The following POLR2M variants were observed in gnomAD, a reference collection of about 807,000 sequenced individuals.
POLR2M encodes RNA polymerase II subunit M, also known as protein GRINL1A.
Under a neutral mutation model 34.6 loss-of-function variants are expected in POLR2M, and 30 were observed. The observed-to-expected ratio is 0.87, with a 90% CI of 0.65 to 1.18. POLR2M has a LOEUF of 1.18. POLR2M is among the 50% of genes most tolerant of loss of function. The pLI is 0.00. For synonymous variants in POLR2M, 150 were observed against 166.7 expected (o/e 0.90, Z 0.77); for missense variants, 432 against 448.7 (o/e 0.96, Z 0.34).
chr15:57,714,574 A>C lies in POLR2M; in HGVS notation c.1002A>C (p.Glu334Asp). ...QAKLAAQKLA[E>D]RLNIKMRSYN... ...AGCTCGCAGCGCAAAAATTAGCTGA[A>C]AGACTGAATATTAAAATGCGGAGTT... The change falls in exon 4 of 4, where the codon GAA becomes GAC. Residue 334 changes from glutamate to aspartate, a missense_variant. Coordinates refer to ENST00000299638, the MANE Select transcript of POLR2M (RefSeq NM_015532.5). 7 of 1,613,884 alleles carry C rather than the reference A, an allele frequency of 4.3e-6. No individual in the cohort carries two copies. The highest frequency in any genetic ancestry group is 5.9e-6 in the Non-Finnish European group (7 of 1,179,864).
At chr15:57,709,767 C>T (rs1692928819) in intron 2 of POLR2M, among the ~76,000 whole-genome samples, 1 of 152,124 alleles carries the variant, frequency 6.6e-6, no homozygotes, top group South Asian at 2.1e-4. Flanking sequence ...ATAATAAACA[C>T]AGAGTTGGAG....
At position 57,706,919 on chromosome 15, in the gene POLR2M, A is replaced by C. The variant is rs768829989; in HGVS notation, c.77A>C (p.Glu26Ala). ...CAGCGGAGTTTGGTGGAGCTGCGGG[A>C]AATGTTGAAGCGCCAGGAGAGACTT... is the stretch of plus-strand genomic sequence containing the variant. ...LAQRSLVELR[E>A]MLKRQERLLR... is the part of the protein sequence containing the mutation. Residue 26 changes from glutamate (E) to alanine (A), a missense_variant, in exon 1 of 4, where the codon GAA (glutamate) becomes GCA (alanine). Glu to Ala is a moderately radical substitution (Grantham distance 107). Transcript: ENST00000299638. The C allele has an allele frequency of 6.2e-7, 1 of 1,602,846 alleles. No homozygotes were observed. The highest frequency in any genetic ancestry group is 8.5e-7 in the Non-Finnish European group (1 of 1,174,406).
chr15:57,711,978 C>T lies in POLR2M; in HGVS notation c.759-6C>T. 1 of 1,613,868 alleles carries T rather than the reference C, an allele frequency of 6.2e-7. No individual in the cohort carries two copies. On this transcript the variant is annotated splice_polypyrimidine_tract_variant and splice_region_variant and intron_variant, in intron 2 of 3. Transcript: ENST00000299638. ...GATTGTATAACACAAGTTTTCCTTT[C>T]ATCAGGTTACCTTTTCGACAAAATG...
rs747636997 is a variant in POLR2M at position 57,717,315 on chromosome 15, A to G, written c.*2636A>G. ...TAACTTACAAATAAGTACTTAAAAC[A>G]GAGCTTAATGGGTAAAGCAACAGCT... On this transcript the variant is annotated 3_prime_UTR_variant, in exon 4 of 4. Transcript: ENST00000299638. The G allele has an allele frequency of 3.9e-5, 6 of 152,214 alleles. No individual in the cohort carries two copies. The highest frequency in any genetic ancestry group is 7.3e-5 in the Non-Finnish European group (5 of 68,036). The allele number at this position is 152,214 out of a possible 1,614,324, so 9.4% of individuals were successfully genotyped here.
intron 3 of POLR2M, among the ~76,000 whole-genome samples, chr15:57,713,197 CAAAAA>C (rs10656680): frequency 6.9e-6 from 1 of 145,790 alleles, no homozygotes; most frequent in Non-Finnish European, 1.5e-5. Flanking sequence ...GACCCTGTCT[CAAAAA>C]AAAAAACAAC....
intron 3 of POLR2M, among the ~76,000 whole-genome samples, chr15:57,712,916 C>G (rs1230291596): frequency 6.6e-6 from 1 of 152,178 alleles, no homozygotes; most frequent in Admixed American, 6.5e-5. Context: ...AGTATCCTGT[C>G]TCACTTCCTA....
chr15:57,708,677 T>A (rs773133562), intron 1 of POLR2M, 37 bp from the exon 2 acceptor site: 2 of 1,498,870 alleles, frequency 1.3e-6, no homozygotes, highest in South Asian at 1.4e-5. Context: ...GTTAAAAAAA[T>A]GGCTGTAATG....
At chr15:57,707,191 CAGGG>C (rs2040526381) in intron 1 of POLR2M, 1 of 1,473,038 alleles carries the variant, frequency 6.8e-7, no homozygotes, top group South Asian at 1.4e-5. Context: ...CCTGGCGTTG[CAGGG>C]AGTTAGTAGC....
At position 57,716,040 on chromosome 15, in the gene POLR2M, T is replaced by C. The variant is rs1478427929; in HGVS notation, c.*1361T>C. On this transcript the variant is annotated 3_prime_UTR_variant, in exon 4 of 4. Coordinates refer to ENST00000299638, the MANE Select transcript of POLR2M (RefSeq NM_015532.5). The stretch of plus-strand genomic sequence containing the variant: ...TGTTATTTCTGGAAGCTGGATGATA[T>C]GGAAGAGTTCATGTGCCTGGACACA... The C allele has an allele frequency of 6.6e-6, 1 of 152,320 alleles. No individual in the cohort carries two copies. The highest frequency in any genetic ancestry group is 2.4e-5 in the African/African-American group (1 of 41,486). 9.4% of individuals were successfully genotyped at this position (152,320 alleles called of 1,614,324 possible).
At chr15:57,712,557 C>G (rs139880079) in intron 3 of POLR2M, among the ~76,000 whole-genome samples, 1 of 152,138 alleles carries the variant, frequency 6.6e-6, no homozygotes, top group African/African-American at 2.4e-5. Flanking sequence ...CAAACCCAGA[C>G]CCCTTGTTAG....
Position 57,706,873 on chromosome 15 carries a change from C to G in POLR2M, c.31C>G (p.Gln11Glu). Reference sequence around the variant, plus strand: ...CTCGCTGCCCCGCGGCTTCGAGCCCCAAGCTCCCGAGGACTTGGCGCAGCG... The same window carrying G: ...CTCGCTGCCCCGCGGCTTCGAGCCCGAAGCTCCCGAGGACTTGGCGCAGCG... MCSLPRGFEP[Q>E]APEDLAQRSL... The change falls in exon 1 of 4, where the codon CAA becomes GAA. Residue 11 changes from glutamine (Q) to glutamate (E), a missense_variant. Transcript: ENST00000299638. 6.3e-7 allele frequency: 1 copy of G among 1,589,256 alleles called. No individual in the cohort carries two copies. The highest frequency in any genetic ancestry group is 8.6e-7 in the Non-Finnish European group (1 of 1,167,490).
chr15:57,714,484 G>A, intron 3 of POLR2M, 52 bp from the exon 4 acceptor site: 1 of 1,598,586 alleles, frequency 6.3e-7, no homozygotes. Context: ...TTGAAAAATT[G>A]TAAGGAAGAG....
chr15:57,708,669 TA>T (rs770681312), intron 1 of POLR2M, 44 bp from the exon 2 acceptor site: 3 of 1,489,006 alleles, frequency 2.0e-6, no homozygotes, highest in African/African-American at 2.8e-5. Context: ...TATCTCAAGT[TA>T]AAAAAATGGC....
chr15:57,710,515 C>A (rs2040665192), intron 2 of POLR2M, among the ~76,000 whole-genome samples: 1 of 152,192 alleles, frequency 6.6e-6, no homozygotes, highest in South Asian at 2.1e-4. Flanking sequence ...CATTTTATTT[C>A]TGCTGTATAG....
intron 2 of POLR2M, 92 bp from the exon 3 acceptor site, chr15:57,711,892 A>G: frequency 7.0e-7 from 1 of 1,420,992 alleles, no homozygotes. Context: ...AGGAGAATTA[A>G]TTGCTAAGGT....
intron 3 of POLR2M, among the ~76,000 whole-genome samples, chr15:57,713,151 A>G (rs1308563488): frequency 6.6e-6 from 1 of 151,354 alleles, no homozygotes; most frequent in Non-Finnish European, 1.5e-5. Context: ...CCGCAGTCAC[A>G]CCACTGCACT....
At chr15:57,711,729 T>A (rs1166146094) in intron 2 of POLR2M, among the ~76,000 whole-genome samples, 1 of 142,844 alleles carries the variant, frequency 7.0e-6, no homozygotes, top group African/African-American at 2.7e-5. Flanking sequence ...CTTTTGCAAA[T>A]GTTCTTTGAA....
rs12916741 is a variant in POLR2M, at chr15:57,716,083, G to C, written c.*1404G>C. On this transcript the variant is annotated 3_prime_UTR_variant, in exon 4 of 4. Coordinates refer to ENST00000299638, the MANE Select transcript of POLR2M (RefSeq NM_015532.5). ...TGGACACACAGTTCCCTGTAATCCT[G>C]CCATCTAGGGAGATAAACTCTGTTA... The C allele has an allele frequency of 6.0e-4, 89 of 149,186 alleles. No individual in the cohort carries two copies. Among genetic ancestry groups the C allele is most frequent in the African/African-American group, 2.1e-3 (86 of 40,474 alleles). 9.2% of individuals were successfully genotyped at this position (149,186 alleles called of 1,614,324 possible). A position where few individuals can be genotyped will look rare whatever the true frequency, so the allele number is the denominator to read the frequency against.
In POLR2M at chr15:57,706,816, C is replaced by T. The variant is rs111746146; in HGVS notation, c.-27C>T. ...CCTGCCGAGGAAGCCGAGTGCCCGC[C>T]GCCGCGCCAGCCTCAGCCCGCGCAG... On this transcript the variant is annotated 5_prime_UTR_variant, in exon 1 of 4. Coordinates refer to ENST00000299638, the MANE Select transcript of POLR2M (RefSeq NM_015532.5). 1.3e-3 allele frequency: 1,972 copies of T among 1,542,422 alleles called. 18 individuals carry two copies. The African/African-American group carries it at 0.023, about 18-fold the overall frequency.
Sources: allele counts gnomAD v4.1 joint callset (sites outside exome capture counted in the v4.1 genomes callset), GRCh38; gene constraint gnomAD v4.1.1; transcripts MANE v1.5; gene names NCBI Gene and HGNC (gene_info 2026-07-23, HGNC 2026-07-21).